The following GATAD2B variants were observed in gnomAD, a reference collection of about 807,000 sequenced individuals.
The protein encoded by GATAD2B is GATA zinc finger domain containing 2B.
A neutral mutation model predicts 64.3 loss-of-function variants in GATAD2B; 8 were observed. The ratio of observed to expected loss-of-function variants is 0.12; its 90% CI spans 0.07 to 0.22. The LOEUF (loss-of-function observed/expected upper bound fraction) is 0.22, where lower values mean the gene tolerates loss of function less well. Among genes scored for constraint, GATAD2B ranks in the 10% least tolerant of loss-of-function variants. The pLI, the probability that GATAD2B is intolerant of heterozygous loss-of-function variation, is 1.00. For missense variants in GATAD2B, 453 were observed against 752.0 expected, an observed-to-expected ratio of 0.60 and a Z score of 4.65; for synonymous variants, 281 against 271.3, an observed-to-expected ratio of 1.04 and a Z score of -0.35.
intron 1 of GATAD2B, among the ~76,000 whole-genome samples, chr1:153,922,301 G>C (rs971169990): frequency 4.0e-5 from 6 of 150,984 alleles, no homozygotes; most frequent in African/African-American, 1.5e-4. Flanking sequence ...AAAAAAAAAG[G>C]GGGGGGCGCG....
At chr1:153,843,231 C>T (rs1179937673) in intron 1 of GATAD2B, among the ~76,000 whole-genome samples, 1 of 151,612 alleles carries the variant, frequency 6.6e-6, no homozygotes, top group Non-Finnish European at 1.5e-5. Flanking sequence ...ACCTCCTGGG[C>T]TCAAGCAATC....
intron 1 of GATAD2B, among the ~76,000 whole-genome samples, chr1:153,843,812 ACC>A (rs1675582570): frequency 4.0e-5 from 2 of 50,424 alleles, no homozygotes; most frequent in African/African-American, 1.0e-4. Context: ...CACCACCACC[ACC>A]AAAAAAAAAA....
At chr1:153,813,214 T>C in intron 8 of GATAD2B, 36 bp downstream of exon 8, 1 of 1,566,080 alleles carries the variant, frequency 6.4e-7, no homozygotes, top group South Asian at 1.1e-5. Flanking sequence ...AAAAACAAAC[T>C]GGGACAGGTG....
At position 153,816,270 on chromosome 1, in the gene GATAD2B, TA is replaced by T; in HGVS notation, c.1216+2del. 1 of 1,599,084 alleles carries T rather than the reference TA, an allele frequency of 6.3e-7. No homozygotes were observed. Among genetic ancestry groups the T allele is most frequent in the Non-Finnish European group, 8.6e-7 (1 of 1,166,738 alleles). On this transcript the variant is annotated splice_donor_variant, in intron 7 of 10. Transcript: ENST00000368655. LOFTEE classifies it high-confidence loss of function. This position sits in a 1 kb window ranked among gnomAD's most constrained non-coding sequence, Gnocchi z 4.9. ...ATAGATTGATTAGAAGAAACAGCCT[TA>T]CCTTGGCTGTCAATGACACTCTGTA...
At chr1:153,820,302 G>T (rs919791488) in intron 2 of GATAD2B, among the ~76,000 whole-genome samples, 3 of 152,078 alleles carry the variant, frequency 2.0e-5, no homozygotes, top group Non-Finnish European at 4.4e-5. Flanking sequence ...ACCTCAAAAA[G>T]AGTCTAGAAA....
chr1:153,908,881 C>CT (rs757316751), intron 1 of GATAD2B, among the ~76,000 whole-genome samples: 13 of 151,884 alleles, frequency 8.6e-5, no homozygotes, highest in Non-Finnish European at 1.6e-4. Context: ...ACTGCAGCCT[C>CT]TAACTCCTAA....
At chr1:153,910,032 T>C (rs1475263234) in intron 1 of GATAD2B, among the ~76,000 whole-genome samples, 1 of 150,988 alleles carries the variant, frequency 6.6e-6, no homozygotes, top group Non-Finnish European at 1.5e-5. Context: ...GGCGAATTGC[T>C]TGAACCTAAG....
intron 1 of GATAD2B, among the ~76,000 whole-genome samples, chr1:153,915,062 A>C (rs1678221069): frequency 6.6e-6 from 1 of 152,230 alleles, no homozygotes; most frequent in East Asian, 1.9e-4. Flanking sequence ...GACTCTGCTA[A>C]AAACACAAAA....
chr1:153,889,289 G>A (rs1570991393), intron 1 of GATAD2B, among the ~76,000 whole-genome samples: 2 of 151,862 alleles, frequency 1.3e-5, no homozygotes, highest in South Asian at 2.1e-4. Flanking sequence ...GCACATCCCT[G>A]TAATCCCAGC....
At chr1:153,887,831 A>C (rs1458495334) in intron 1 of GATAD2B, among the ~76,000 whole-genome samples, 1 of 152,128 alleles carries the variant, frequency 6.6e-6, no homozygotes, top group Non-Finnish European at 1.5e-5. Context: ...TCATGCCTGT[A>C]ATCTCAGTAC....
In GATAD2B at chr1:153,828,128, C is replaced by T; in HGVS notation, c.220G>A (p.Gly74Ser). The T allele has an allele frequency of 6.2e-7, 1 of 1,614,112 alleles. No individual in the cohort carries two copies. The highest frequency in any genetic ancestry group is 8.5e-7 in the Non-Finnish European group (1 of 1,180,002). ...TTCCCGTTAAGTTTTTCTTCATAGC[C>T]CTTGACACCACTGCCATCCTGTTTG... ...PTKQDGSGVK[G>S]YEEKLNGNLR... Residue 74 changes from glycine to serine, a missense_variant, in exon 2 of 11, where the codon GGC (glycine) becomes AGC (serine). By Grantham distance (56) the Gly-to-Ser change is moderately conservative. Around this residue, in one of 2 missense-constraint regions of GATAD2B, gnomAD observed 293 missense variants for 417.2 expected, o/e 0.70. Transcript: ENST00000368655.
intron 2 of GATAD2B, among the ~76,000 whole-genome samples, chr1:153,824,742 G>A (rs924504096): frequency 1.3e-4 from 20 of 150,866 alleles, no homozygotes; most frequent in African/African-American, 4.6e-4. Context: ...GTCTACAGGA[G>A]CAGGACTGAA....
At chr1:153,821,971 A>G (rs1348067399) in intron 2 of GATAD2B, among the ~76,000 whole-genome samples, 1 of 151,932 alleles carries the variant, frequency 6.6e-6, no homozygotes, top group Non-Finnish European at 1.5e-5. Context: ...ACTTGAGGCC[A>G]AAAGTTTGAG....
intron 1 of GATAD2B, among the ~76,000 whole-genome samples, chr1:153,837,756 CT>C (rs1358604551): frequency 2.6e-5 from 4 of 152,168 alleles, no homozygotes; most frequent in Admixed American, 6.6e-5. Flanking sequence ...ATTATGTCCC[CT>C]ATTATAAAAC....
chr1:153,915,058 G>C (rs1477970051), intron 1 of GATAD2B, among the ~76,000 whole-genome samples: 2 of 151,992 alleles, frequency 1.3e-5, no homozygotes, highest in Non-Finnish European at 2.9e-5. Flanking sequence ...CTCTGACTCT[G>C]CTAAAAACAC....
At chr1:153,901,989 A>G (rs1393498524) in intron 1 of GATAD2B, among the ~76,000 whole-genome samples, 3 of 149,588 alleles carry the variant, frequency 2.0e-5, no homozygotes, top group Non-Finnish European at 4.5e-5. Context: ...AAAAAAAAAA[A>G]AAAAAAAAAG....
chr1:153,917,852 G>A (rs901161771), intron 1 of GATAD2B, among the ~76,000 whole-genome samples: 2 of 152,204 alleles, frequency 1.3e-5, no homozygotes, highest in Non-Finnish European at 2.9e-5. Context: ...TAAGTCCTAT[G>A]AAAAAGAAAA....
chr1:153,819,590 TTTTC>T lies in GATAD2B; in HGVS notation c.465+12_465+15del, dbSNP rs753785283. On this transcript the variant is annotated intron_variant, in intron 3 of 10. Transcript: ENST00000368655. ...AGGAGCATAACAAGAAGAAAGAAAT[TTTTC>T]TTTCTTTTTACCTTAAACATCTCTA... is the stretch of plus-strand genomic sequence containing the variant. 41 of 1,554,312 alleles carry T rather than the reference TTTTC, an allele frequency of 2.6e-5. No homozygotes were observed. The East Asian group carries it at 6.4e-4, about 24-fold the overall frequency.
chr1:153,817,252 T>C, intron 6 of GATAD2B, 120 bp downstream of exon 6: 2 of 939,720 alleles, frequency 2.1e-6, no homozygotes, highest in Non-Finnish European at 1.5e-6. Flanking sequence ...CCTACCAAAA[T>C]AACCATTTTT....
Sources: gnomAD v4.1 joint callset for allele counts (sites outside exome capture counted in the v4.1 genomes callset) on GRCh38, gnomAD v4.1.1 for gene constraint, gnomAD v4.1.1 regional missense constraint, Gnocchi (gnomAD v3.1) non-coding constraint, MANE v1.5 for transcripts, NCBI Gene and HGNC (gene_info 2026-07-23, HGNC 2026-07-21) for gene names.